SYT16: variants seen among roughly 807,000 people sequenced by gnomAD.
SYT16 encodes synaptotagmin-16.
A neutral mutation model predicts 61.4 loss-of-function variants in SYT16; 42 were observed. That is an observed-to-expected ratio of 0.68 (90% CI 0.53 to 0.89). The LOEUF (loss-of-function observed/expected upper bound fraction) is 0.89. SYT16 is among the 40% of genes least tolerant of loss of function. The probability of loss-of-function intolerance (pLI) is 0.00; values close to 1 mark genes in which losing one functional copy is unlikely to be tolerated. For synonymous variants in SYT16, 314 were observed against 302.3 expected (o/e 1.04, Z -0.40); for missense variants, 804 against 807.3 (o/e 1.00, Z 0.05).
chr14:61,993,389 C>G (rs931555861), intron 2 of SYT16, among the ~76,000 whole-genome samples: 2 of 151,984 alleles, frequency 1.3e-5, no homozygotes, highest in African/African-American at 4.8e-5. Flanking sequence ...TGTAACAAAC[C>G]TGCACGTCTG....
intron 1 of SYT16, among the ~76,000 whole-genome samples, chr14:61,818,436 T>A (rs1566605751): frequency 6.6e-6 from 1 of 152,076 alleles, no homozygotes; most frequent in Non-Finnish European, 1.5e-5. Flanking sequence ...TCCCAGCACT[T>A]TGGGAGGCCG....
chr14:61,981,105 ACTGT>A (rs2052055370), intron 2 of SYT16, among the ~76,000 whole-genome samples: 1 of 152,272 alleles, frequency 6.6e-6, no homozygotes, highest in African/African-American at 2.4e-5. Flanking sequence ...CAGTCTGAAG[ACTGT>A]CTGCTGCACA....
rs2057554843 is a variant in SYT16, at chr14:62,108,802, A to G, written c.*8095A>G. On this transcript the variant is annotated 3_prime_UTR_variant, in exon 8 of 8. Coordinates refer to ENST00000683842, the MANE Select transcript of SYT16 (RefSeq NM_001367656.1). ...GGTTTCTGTTACAATATTTTCTCTT[A>G]TAGTGTTGGGATAGGATTTGACCTG... is the stretch of plus-strand genomic sequence containing the variant. 6.6e-6 allele frequency: 1 copy of G among 152,158 alleles called. No homozygotes were observed. Among genetic ancestry groups the G allele is most frequent in the African/African-American group, 2.4e-5 (1 of 41,456 alleles). The allele number at this position is 152,158 out of a possible 1,614,324, so 9.4% of individuals were successfully genotyped here.
At chr14:62,074,509 G>A (rs2056412890) in intron 4 of SYT16, among the ~76,000 whole-genome samples, 1 of 152,166 alleles carries the variant, frequency 6.6e-6, no homozygotes, top group Non-Finnish European at 1.5e-5. Context: ...AGGCCTTGCT[G>A]GCTGCCAGGT....
At chr14:61,969,156 C>T (rs563989204) in intron 1 of SYT16, among the ~76,000 whole-genome samples, 38 of 152,240 alleles carry the variant, frequency 2.5e-4, no homozygotes, top group South Asian at 1.4e-3. Flanking sequence ...ATATATTAAA[C>T]CTGCCCACTG....
chr14:61,935,975 A>C (rs1301394881), intron 1 of SYT16, among the ~76,000 whole-genome samples: 1 of 152,154 alleles, frequency 6.6e-6, no homozygotes, highest in Non-Finnish European at 1.5e-5. Flanking sequence ...GCTCTGAGAA[A>C]CTTGTGTCTA....
chr14:61,918,844 G>T (rs2049221661), intron 1 of SYT16, among the ~76,000 whole-genome samples: 1 of 152,132 alleles, frequency 6.6e-6, no homozygotes, highest in Non-Finnish European at 1.5e-5. Flanking sequence ...TACCTCCTGA[G>T]AGAGAAAATT....
intron 1 of SYT16, among the ~76,000 whole-genome samples, chr14:61,916,547 A>T (rs1338101624): frequency 6.6e-6 from 1 of 152,174 alleles, no homozygotes; most frequent in Non-Finnish European, 1.5e-5. Context: ...AGGGTGATTC[A>T]GATATCTATC....
rs1319810767 is a variant in SYT16, at chr14:62,109,615, A to G, written c.*8908A>G. 1 of 152,178 alleles carries G rather than the reference A, an allele frequency of 6.6e-6. No homozygotes were observed. The highest frequency in any genetic ancestry group is 1.5e-5 in the Non-Finnish European group (1 of 68,028). The allele number at this position is 152,178 out of a possible 1,614,324, so 9.4% of individuals were successfully genotyped here. A position where few individuals can be genotyped will look rare whatever the true frequency, so the allele number is the denominator to read the frequency against. On this transcript the variant is annotated 3_prime_UTR_variant, in exon 8 of 8. Transcript: ENST00000683842. ...AAAATATAATAATTTCATAATTTAT[A>G]TTACCCTATCTATGAGTTTTTCCCT...
intron 1 of SYT16, among the ~76,000 whole-genome samples, chr14:61,900,158 CTTTT>C (rs5809128): frequency 9.4e-5 from 10 of 106,712 alleles, no homozygotes; most frequent in Admixed American, 9.6e-5. Context: ...TAAATTTCTG[CTTTT>C]TTTTTTTTTT....
chr14:61,979,125 T>C (rs1052852590), intron 2 of SYT16, among the ~76,000 whole-genome samples: 4 of 152,132 alleles, frequency 2.6e-5, no homozygotes, highest in African/African-American at 9.7e-5. Context: ...TGTAAAATGG[T>C]GTGAATCAGG....
chr14:61,926,246 CAA>C (rs56404412), intron 1 of SYT16, among the ~76,000 whole-genome samples: 77,703 of 126,806 alleles, frequency 0.61, 20,092 homozygotes, highest in South Asian at 0.71. Flanking sequence ...CAAATTAATG[CAA>C]AGAGTCAAAG....
intron 1 of SYT16, among the ~76,000 whole-genome samples, chr14:61,849,511 G>T (rs1351401050): frequency 2.0e-5 from 3 of 152,200 alleles, no homozygotes; most frequent in Non-Finnish European, 2.9e-5. Flanking sequence ...TTGGATGGGT[G>T]ATTTCCCTCT....
At chr14:61,871,406 C>T (rs1302451906) in intron 1 of SYT16, among the ~76,000 whole-genome samples, 1 of 152,072 alleles carries the variant, frequency 6.6e-6, no homozygotes, top group Admixed American at 6.5e-5. Context: ...AGTGCTTTAC[C>T]CCACAAATTC....
At chr14:62,042,964 C>T (rs1473846167) in intron 3 of SYT16, among the ~76,000 whole-genome samples, 1 of 152,148 alleles carries the variant, frequency 6.6e-6, no homozygotes, top group Non-Finnish European at 1.5e-5. Context: ...TCTTGAGAAC[C>T]ATTGTTTATG....
In SYT16 at chr14:62,101,725, A is replaced by AC. The variant is rs1390329077; in HGVS notation, c.*1018_*1019insC. On this transcript the variant is annotated 3_prime_UTR_variant, in exon 8 of 8. Transcript: ENST00000683842. ...ATTGACTCTTCAAAGTGAACATGTT[A>AC]TAACACCTGTGAATGGAGAAATATT... 6.6e-6 allele frequency: 1 copy of AC among 152,214 alleles called. No individual in the cohort carries two copies. Among genetic ancestry groups the AC allele is most frequent in the Non-Finnish European group, 1.5e-5 (1 of 68,026 alleles). 9.4% of individuals were successfully genotyped at this position (152,214 alleles called of 1,614,324 possible).
At chr14:61,897,640 G>A (rs1173577905) in intron 1 of SYT16, among the ~76,000 whole-genome samples, 1 of 152,078 alleles carries the variant, frequency 6.6e-6, no homozygotes, top group Non-Finnish European at 1.5e-5. Flanking sequence ...ATGTGATTCA[G>A]GGAGCTCCTG....
intron 1 of SYT16, among the ~76,000 whole-genome samples, chr14:61,857,657 A>G (rs1490424996): frequency 6.6e-6 from 1 of 152,192 alleles, no homozygotes; most frequent in Non-Finnish European, 1.5e-5. Context: ...TCTTCTTAAG[A>G]TGGGAGAAAT....
At position 62,102,481 on chromosome 14, in the gene SYT16, A is replaced by G. The variant is rs747753894; in HGVS notation, c.*1774A>G. On this transcript the variant is annotated 3_prime_UTR_variant, in exon 8 of 8. Transcript: ENST00000683842. ...CCATGTTCCTCTGGGTTTTTACCCT[A>G]CCTTTCTTTGGGAGATCTCAGAGTG... is the stretch of plus-strand genomic sequence containing the variant. 6.6e-6 allele frequency: 1 copy of G among 152,118 alleles called. No individual in the cohort carries two copies. Among genetic ancestry groups the G allele is most frequent in the Admixed American group, 6.5e-5 (1 of 15,268 alleles). The allele number at this position is 152,118 out of a possible 1,614,324, so 9.4% of individuals were successfully genotyped here.
Sources: allele counts gnomAD v4.1 joint callset (sites outside exome capture counted in the v4.1 genomes callset), GRCh38; gene constraint gnomAD v4.1.1; transcripts MANE v1.5; gene names NCBI Gene and HGNC (gene_info 2026-07-23, HGNC 2026-07-21).